SESTD1: variants seen among roughly 807,000 people sequenced by gnomAD.
SESTD1 encodes the protein SEC14 and spectrin domain containing 1, also known as SEC14 domain and spectrin repeat-containing protein 1.
Under a neutral mutation model 101.7 loss-of-function variants are expected in SESTD1, and 43 were observed. The observed-to-expected ratio is 0.42, with a 90% CI of 0.33 to 0.55. SESTD1 has a LOEUF of 0.55. Among genes scored for constraint, SESTD1 ranks in the 20% least tolerant of loss-of-function variants. The probability of loss-of-function intolerance (pLI) is 0.07; values close to 1 mark genes in which losing one functional copy is unlikely to be tolerated. For missense variants in SESTD1, 647 were observed against 815.1 expected, an observed-to-expected ratio of 0.79 and a Z score of 2.51; for synonymous variants, 283 against 286.8, an observed-to-expected ratio of 0.99 and a Z score of 0.13.
At chr2:179,237,618 G>T (rs1351414958) in intron 1 of SESTD1, among the ~76,000 whole-genome samples, 2 of 152,106 alleles carry the variant, frequency 1.3e-5, no homozygotes, top group South Asian at 4.1e-4. Context: ...TTTTTAAAAA[G>T]ATTTATTTTC....
At chr2:179,148,757 C>T (rs1489635650) in intron 7 of SESTD1, among the ~76,000 whole-genome samples, 2 of 151,988 alleles carry the variant, frequency 1.3e-5, no homozygotes, top group South Asian at 2.1e-4. Flanking sequence ...AAAGTAAATA[C>T]ATTACTATTA....
rs764193655 is a variant in SESTD1 at position 179,143,598 on chromosome 2, T to G, written c.843A>C (p.Val281=). 1 of 1,613,778 alleles carries G rather than the reference T, an allele frequency of 6.2e-7. No homozygotes were observed. Among genetic ancestry groups the G allele is most frequent in the Admixed American group, 1.7e-5 (1 of 59,992 alleles). ...RTQLEEIQQK[V]MQVVNWLEGP... is the part of the protein sequence containing the mutation. ...ATTCAAATCAGACACCTACCTGCATTACCTTCTGTTGAATCTCTTCTAACT... is the reference window on the plus strand; with the variant it reads ...ATTCAAATCAGACACCTACCTGCATGACCTTCTGTTGAATCTCTTCTAACT... The change falls in exon 9 of 18, where the codon GTA becomes GTC. Residue 281 remains valine, a synonymous_variant. Transcript: ENST00000428443.
chr2:179,227,558 T>G (rs569185877), intron 1 of SESTD1, among the ~76,000 whole-genome samples: 5 of 152,328 alleles, frequency 3.3e-5, no homozygotes, highest in African/African-American at 1.2e-4. Flanking sequence ...CAAATAGTAT[T>G]TTTTGAAAGA....
chr2:179,204,069 A>C (rs2046559159), intron 1 of SESTD1, among the ~76,000 whole-genome samples: 1 of 132,616 alleles, frequency 7.5e-6, no homozygotes, highest in Non-Finnish European at 1.6e-5. Flanking sequence ...TGAAGAAAAA[A>C]CTCACACATT....
In SESTD1 at chr2:179,125,462, G is replaced by A. The variant is rs188775693; in HGVS notation, c.973-904C>T. On this transcript the variant is annotated intron_variant, in intron 10 of 17. Coordinates refer to ENST00000428443, the MANE Select transcript of SESTD1 (RefSeq NM_178123.5). ...GATCTGTTTTCTCTGCCTAATGTGT[G>A]CCTGTACCAGAGTAGCCGAACATGG... Among the ~76,000 whole-genome samples, 460 of 152,288 alleles carry A rather than the reference G, an allele frequency of 3.0e-3. 6 individuals carry two copies. Among genetic ancestry groups the A allele is most frequent in the African/African-American group, 0.011 (441 of 41,558 alleles).
intron 5 of SESTD1, among the ~76,000 whole-genome samples, chr2:179,160,654 AC>A (rs1469876128): frequency 3.9e-5 from 6 of 152,140 alleles, no homozygotes; most frequent in African/African-American, 1.4e-4. Flanking sequence ...AGAAGATGGA[AC>A]CACAAACTCA....
At chr2:179,197,118 G>A (rs2046411372) in intron 1 of SESTD1, among the ~76,000 whole-genome samples, 1 of 152,128 alleles carries the variant, frequency 6.6e-6, no homozygotes, top group Admixed American at 6.5e-5. Context: ...ACTTAAAGGA[G>A]CTGATGGAGC....
chr2:179,185,811 C>CAATATAGTATATTATATAT (rs1260214311), intron 2 of SESTD1, among the ~76,000 whole-genome samples: 347 of 124,258 alleles, frequency 2.8e-3, no homozygotes, highest in Non-Finnish European at 3.7e-3. Context: ...ATAGCATATA[C>CAATATAGTATATTATATAT]AATATAGTAT....
intron 1 of SESTD1, among the ~76,000 whole-genome samples, chr2:179,239,465 T>C (rs572170155): frequency 6.6e-6 from 1 of 152,290 alleles, no homozygotes; most frequent in South Asian, 2.1e-4. Context: ...GGAAGCATTC[T>C]GGGAAAGAAC....
chr2:179,140,156 A>G (rs1402839234), intron 9 of SESTD1, among the ~76,000 whole-genome samples: 3 of 152,152 alleles, frequency 2.0e-5, no homozygotes, highest in Non-Finnish European at 4.4e-5. Context: ...AGCAATCTTT[A>G]AAGTTTTTCA....
intron 4 of SESTD1, among the ~76,000 whole-genome samples, chr2:179,175,991 G>C (rs754157616): frequency 9.2e-5 from 14 of 152,138 alleles, no homozygotes; most frequent in Admixed American, 3.9e-4. Flanking sequence ...GCTTTATGTA[G>C]GAAATAGGGG....
At chr2:179,191,721 T>C in intron 2 of SESTD1, 66 bp downstream of exon 2, 2 of 1,336,506 alleles carry the variant, frequency 1.5e-6, no homozygotes, top group South Asian at 1.3e-5. Context: ...CTGTCATACT[T>C]AACAAAGAAG....
intron 1 of SESTD1, among the ~76,000 whole-genome samples, chr2:179,260,088 G>A (rs1271510258): frequency 6.6e-6 from 1 of 152,106 alleles, no homozygotes; most frequent in East Asian, 1.9e-4. Flanking sequence ...AATAACTGTA[G>A]TAACAAATTT....
chr2:179,152,551 C>T (rs1357213398), intron 5 of SESTD1, among the ~76,000 whole-genome samples: 1 of 151,992 alleles, frequency 6.6e-6, no homozygotes, highest in African/African-American at 2.4e-5. Context: ...CAGAAGGAGA[C>T]AAATGAAAAA....
intron 5 of SESTD1, among the ~76,000 whole-genome samples, chr2:179,152,413 A>G (rs191983752): frequency 2.6e-5 from 4 of 152,340 alleles, no homozygotes; most frequent in Admixed American, 6.5e-5. Flanking sequence ...TTATGTGACT[A>G]TATGTGCTTG....
At chr2:179,217,491 G>A (rs2046740939) in intron 1 of SESTD1, among the ~76,000 whole-genome samples, 1 of 152,168 alleles carries the variant, frequency 6.6e-6, no homozygotes, top group South Asian at 2.1e-4. Context: ...ATGCTGGAGA[G>A]GATGTGGAGA....
intron 10 of SESTD1, 39 bp downstream of exon 10, chr2:179,132,264 CA>C (rs1185307394): frequency 1.3e-6 from 2 of 1,511,592 alleles, no homozygotes; most frequent in Non-Finnish European, 1.8e-6. Context: ...TACCCACGTT[CA>C]TAATATCATT....
intron 1 of SESTD1, among the ~76,000 whole-genome samples, chr2:179,259,526 C>T (rs2047450805): frequency 1.3e-5 from 2 of 152,114 alleles, no homozygotes; most frequent in Admixed American, 6.5e-5. Flanking sequence ...CCGCACCCAG[C>T]CTTAGTTCTC....
At chr2:179,253,638 G>GT (rs2047350412) in intron 1 of SESTD1, among the ~76,000 whole-genome samples, 1 of 152,140 alleles carries the variant, frequency 6.6e-6, no homozygotes, top group Non-Finnish European at 1.5e-5. Flanking sequence ...ATAGGAATAG[G>GT]TACTGAAGTA....
Sources: gnomAD v4.1 joint callset for allele counts (sites outside exome capture counted in the v4.1 genomes callset) on GRCh38, gnomAD v4.1.1 for gene constraint, MANE v1.5 for transcripts, NCBI Gene and HGNC (gene_info 2026-07-23, HGNC 2026-07-21) for gene names.